The following EFHC2 variants were observed in gnomAD, a reference collection of about 807,000 sequenced individuals.
EFHC2 encodes EF-hand domain containing 2, also known as EF-hand domain-containing family member C2.
Under a neutral mutation model 52.7 loss-of-function variants are expected in EFHC2, and 18 were observed. The observed-to-expected ratio is 0.34, with a 90% CI of 0.24 to 0.51. The LOEUF (loss-of-function observed/expected upper bound fraction) is 0.51, where lower values mean the gene tolerates loss of function less well. Ranked by LOEUF, EFHC2 falls within the 20% of genes least tolerant of loss-of-function variation. EFHC2 has a pLI of 0.97. For missense variants in EFHC2, 513 were observed against 562.5 expected (o/e 0.91, Z 0.89); for synonymous variants, 203 against 204.1 (o/e 0.99, Z 0.04).
chrX:44,212,412 C>A (rs2037107058), intron 11 of EFHC2, among the ~76,000 whole-genome samples: 1 of 110,833 alleles, frequency 9.0e-6, no homozygotes, highest in Non-Finnish European at 1.9e-5. Flanking sequence ...AACCACGAGC[C>A]TGACCTACTG....
chrX:44,211,648 T>C (rs1264726460), intron 11 of EFHC2, among the ~76,000 whole-genome samples: 1 of 110,084 alleles, frequency 9.1e-6, no homozygotes, highest in Non-Finnish European at 1.9e-5. Context: ...GATCATGAGA[T>C]CAGGAGATCG....
Position 44,149,611 on chromosome X carries a change from G to T in EFHC2, c.2149-715C>A, listed in dbSNP as rs192048418. Among the ~76,000 whole-genome samples, 4 of 111,320 alleles carry T rather than the reference G, an allele frequency of 3.6e-5. No homozygotes were observed. In the East Asian group the frequency reaches 1.1e-3, roughly 32 times the overall value. On this transcript the variant is annotated intron_variant, in intron 14 of 14. Transcript: ENST00000420999. Reference sequence around the variant, plus strand: ...GCTCACTGCAACCTCCAACTCCCGGGTTCAAGTGATTCTCATGCCTCAGCC... The same window carrying T: ...GCTCACTGCAACCTCCAACTCCCGGTTTCAAGTGATTCTCATGCCTCAGCC...
At chrX:44,280,542 A>C (rs1184748117) in intron 2 of EFHC2, among the ~76,000 whole-genome samples, 1 of 112,145 alleles carries the variant, frequency 8.9e-6, no homozygotes, top group Non-Finnish European at 1.9e-5. Flanking sequence ...ACAACGTAGA[A>C]AGATATGAAG....
chrX:44,194,065 C>T (rs1485132074), intron 11 of EFHC2, among the ~76,000 whole-genome samples: 3 of 111,372 alleles, frequency 2.7e-5, no homozygotes, highest in Non-Finnish European at 5.7e-5. Context: ...ACATGGAAGC[C>T]CCAGGGTAGA....
intron 11 of EFHC2, among the ~76,000 whole-genome samples, chrX:44,217,485 T>C (rs1334781339): frequency 8.1e-5 from 9 of 111,418 alleles, no homozygotes; most frequent in Non-Finnish European, 1.7e-4. Context: ...TGTCCACCAA[T>C]AGGTAAGTAA....
chrX:44,193,378 C>T (rs928330155), intron 11 of EFHC2, among the ~76,000 whole-genome samples: 5 of 110,018 alleles, frequency 4.5e-5, no homozygotes, highest in African/African-American at 1.3e-4. Flanking sequence ...GCACATGTCT[C>T]GGGACCTCCT....
chrX:44,248,603 T>C (rs2037418247), intron 6 of EFHC2, among the ~76,000 whole-genome samples, 193 bp from the exon 7 acceptor site: 1 of 112,736 alleles, frequency 8.9e-6, no homozygotes, highest in Non-Finnish European at 1.9e-5. Flanking sequence ...GTATTATACT[T>C]ACAAACTGCA....
chrX:44,318,697 C>T (rs1368263383), intron 1 of EFHC2, among the ~76,000 whole-genome samples: 1 of 111,429 alleles, frequency 9.0e-6, no homozygotes, highest in East Asian at 2.8e-4. Flanking sequence ...TGCACATACT[C>T]GTGTTTGATT....
At chrX:44,255,399 C>T (rs1042962668) in intron 4 of EFHC2, among the ~76,000 whole-genome samples, 2 of 111,113 alleles carry the variant, frequency 1.8e-5, no homozygotes, top group Admixed American at 1.9e-4. Flanking sequence ...CAAAGACACA[C>T]ATAAGCTCAA....
intron 2 of EFHC2, among the ~76,000 whole-genome samples, chrX:44,298,771 G>A (rs2037846110): frequency 1.0e-5 from 1 of 99,847 alleles, no homozygotes. Flanking sequence ...TGAGGCAGGA[G>A]AATTGCATGA....
At chrX:44,315,729 T>G (rs1369360137) in intron 1 of EFHC2, among the ~76,000 whole-genome samples, 1 of 110,056 alleles carries the variant, frequency 9.1e-6, no homozygotes, top group Non-Finnish European at 1.9e-5. Context: ...AGGAATGAGA[T>G]GAATTAGATA....
At chrX:44,311,676 A>G (rs2037948800) in intron 2 of EFHC2, among the ~76,000 whole-genome samples, 1 of 112,122 alleles carries the variant, frequency 8.9e-6, no homozygotes. Flanking sequence ...ATGTGTGTGT[A>G]TGTGTATAGA....
chrX:44,187,235 A>T (rs2036883889), intron 11 of EFHC2, among the ~76,000 whole-genome samples: 1 of 105,600 alleles, frequency 9.5e-6, no homozygotes. Context: ...AAAAAAGAAA[A>T]GAAAAACCAT....
intron 2 of EFHC2, among the ~76,000 whole-genome samples, chrX:44,279,213 G>T (rs977227207): frequency 9.0e-6 from 1 of 111,710 alleles, no homozygotes; most frequent in Non-Finnish European, 1.9e-5. Flanking sequence ...GCCTGGTGGT[G>T]CATGCCTGTA....
intron 2 of EFHC2, among the ~76,000 whole-genome samples, chrX:44,307,927 T>C (rs2037917681): frequency 1.1e-5 from 1 of 89,369 alleles, no homozygotes; most frequent in Non-Finnish European, 2.4e-5. Context: ...GAGCGAGACT[T>C]TGTCTCAAAA....
chrX:44,316,363 G>A (rs2037982901), intron 1 of EFHC2, among the ~76,000 whole-genome samples: 2 of 112,289 alleles, frequency 1.8e-5, no homozygotes, highest in African/African-American at 6.5e-5. Flanking sequence ...TAAGTTGTGA[G>A]AGACTTTGGG....
chrX:44,322,477 G>C (rs1031895616), intron 1 of EFHC2, among the ~76,000 whole-genome samples: 3 of 111,737 alleles, frequency 2.7e-5, no homozygotes, highest in African/African-American at 9.8e-5. Context: ...CAAACATTTG[G>C]AATGGAGAGC....
chrX:44,243,562 C>T (rs2037376756), intron 7 of EFHC2, among the ~76,000 whole-genome samples: 1 of 111,753 alleles, frequency 8.9e-6, no homozygotes, highest in Admixed American at 9.5e-5. Context: ...GGGCTTGAGG[C>T]CACTTCTAAC....
Position 44,280,593 on chromosome X carries a change from G to C in EFHC2, c.232-7757C>G, listed in dbSNP as rs185639805. On this transcript the variant is annotated intron_variant, in intron 2 of 14. Transcript: ENST00000420999. ...GAAAGAGACAAAAATTATCATTATG[G>C]GTAGATAAAATAATGACCTAGGCAA... is the stretch of plus-strand genomic sequence containing the variant. 2.0e-4 allele frequency among the ~76,000 whole-genome samples: 22 copies of C among 111,796 alleles called. 1 individual carries two copies. Among genetic ancestry groups the C allele is most frequent in the Middle Eastern group, 9.3e-3 (2 of 216 alleles).
Sources: gnomAD v4.1 joint callset for allele counts (sites outside exome capture counted in the v4.1 genomes callset) on GRCh38, gnomAD v4.1.1 for gene constraint, MANE v1.5 for transcripts, NCBI Gene and HGNC (gene_info 2026-07-23, HGNC 2026-07-21) for gene names.